The following HELB variants were observed in gnomAD, a reference collection of about 807,000 sequenced individuals.
HELB encodes DNA 5'-3' helicase B.
Under a neutral mutation model 101.7 loss-of-function variants are expected in HELB, and 96 were observed. That is an observed-to-expected ratio of 0.94 (90% CI 0.80 to 1.12). The LOEUF is 1.12. Among genes scored for constraint, HELB ranks in the 50% most tolerant of loss-of-function variants. The pLI is 0.00. For missense variants in HELB, 1,210 were observed against 1,291.9 expected (o/e 0.94, Z 0.97); for synonymous variants, 437 against 459.7 (o/e 0.95, Z 0.63).
downstream of HELB, chr12:66,338,643 AAAAAAAAAACAAACAAACAAACAAAC>A (rs2053891615): frequency 8.0e-6 from 1 of 125,662 alleles, no homozygotes; most frequent in South Asian, 2.3e-4. Flanking sequence ...CTCCGTCTCC[AAAAAAAAAACAAACAAACAAACAAAC>A]AAAAAAAAAC....
chr12:66,337,883 T>C (rs2053883257), intron 12 of HELB, 118 bp from the exon 13 acceptor site: 3 of 629,834 alleles, frequency 4.8e-6, no homozygotes, highest in Non-Finnish European at 8.3e-6. Flanking sequence ...GCTGAAGCCT[T>C]TCAAGGGTTG....
intron 2 of HELB, among the ~76,000 whole-genome samples, chr12:66,305,634 A>G (rs894891359): frequency 1.3e-5 from 2 of 151,842 alleles, no homozygotes; most frequent in Non-Finnish European, 2.9e-5. Flanking sequence ...AGTCCCAGCT[A>G]CTTGGGAGGA....
In HELB at chr12:66,302,599, GAA is replaced by G. The variant is rs754778789; in HGVS notation, c.-4_-3del. Reference sequence around the variant, plus strand: ...CGAGTTGTTTGGGTTGAGTTCAGGAGAAGCATGGCCAGGTCGAGTCCGTACCT... The same window carrying G: ...CGAGTTGTTTGGGTTGAGTTCAGGAGGCATGGCCAGGTCGAGTCCGTACCT... On this transcript the variant is annotated 5_prime_UTR_variant, in exon 1 of 13. Transcript: ENST00000247815. 14 of 1,611,780 alleles carry G rather than the reference GAA, an allele frequency of 8.7e-6. No individual in the cohort carries two copies. The highest frequency in any genetic ancestry group is 1.2e-5 in the Non-Finnish European group (14 of 1,178,154).
rs764450338 is a variant in HELB at position 66,325,129 on chromosome 12, A to G, written c.2670+3A>G. 1 of 1,576,898 alleles carries G rather than the reference A, an allele frequency of 6.3e-7. No homozygotes were observed. The highest frequency in any genetic ancestry group is 2.2e-5 in the East Asian group (1 of 44,632). ...CAAGAACTATTCACACTTTTCAGGT[A>G]AGAGGAGACTTTTATCAAACCTTTT... On this transcript the variant is annotated splice_donor_region_variant and intron_variant, in intron 11 of 12. Transcript: ENST00000247815.
chr12:66,306,651 A>G (rs565759266), intron 3 of HELB, 137 bp downstream of exon 3: 24 of 466,606 alleles, frequency 5.1e-5, no homozygotes, highest in African/African-American at 4.4e-4. Context: ...AAATGTTGCA[A>G]CTGTACATAA....
At chr12:66,340,758 C>T (rs1384069803), downstream of HELB, 1 of 154,688 alleles carries the variant, frequency 6.5e-6, no homozygotes, top group Non-Finnish European at 1.4e-5. Context: ...CAGAAAGCAT[C>T]CAGCACAGGA....
At chr12:66,332,416 T>A (rs2053820612) in intron 12 of HELB, among the ~76,000 whole-genome samples, 1 of 152,182 alleles carries the variant, frequency 6.6e-6, no homozygotes, top group African/African-American at 2.4e-5. Flanking sequence ...AAATGGAAAA[T>A]TCCAGAAATA....
At position 66,318,745 on chromosome 12, in the gene HELB, CA is replaced by C. The variant is rs1254440337; in HGVS notation, c.2109del (p.Glu704LysfsTer48). 6.2e-7 allele frequency: 1 copy of C among 1,611,120 alleles called. No individual in the cohort carries two copies. The highest frequency in any genetic ancestry group is 8.5e-7 in the Non-Finnish European group (1 of 1,179,048). On this transcript the variant is annotated frameshift_variant, in exon 7 of 13. Coordinates refer to ENST00000247815, the MANE Select transcript of HELB (RefSeq NM_001370285.1). LOFTEE classifies it high-confidence loss of function. The part of the protein sequence containing the change: ...QDKTFIFVRL[P>X]EEDASSQSSK... The stretch of plus-strand genomic sequence containing the variant: ...AAGACATTTATTTTTGTCAGGCTCC[CA>C]GAAGAGGATGCCAGTTCTCAGTCAT...
At chr12:66,309,643 TAAAG>T in intron 3 of HELB, 59 bp from the exon 4 acceptor site, 1 of 1,110,502 alleles carries the variant, frequency 9.0e-7, no homozygotes, top group Non-Finnish European at 1.3e-6. Context: ...AAATTATTAA[TAAAG>T]AACATATTCA....
intron 11 of HELB, among the ~76,000 whole-genome samples, chr12:66,328,844 G>T (rs1305854588): frequency 5.3e-5 from 8 of 152,154 alleles, no homozygotes; most frequent in Admixed American, 4.6e-4. Flanking sequence ...TAAAATACAG[G>T]TATATTATTA....
chr12:66,303,107 T>TAAAAAAAA (rs34264841), intron 1 of HELB, among the ~76,000 whole-genome samples: 1 of 127,570 alleles, frequency 7.8e-6, no homozygotes, highest in African/African-American at 2.9e-5. Context: ...TTTTTTTTTT[T>TAAAAAAAA]AAAATTATTC....
chr12:66,327,035 C>CAAAAAAAA (rs756031862), intron 11 of HELB, among the ~76,000 whole-genome samples: 8 of 41,692 alleles, frequency 1.9e-4, no homozygotes, highest in Non-Finnish European at 2.8e-4. Context: ...GACTTCATCT[C>CAAAAAAAA]AAAAAAAAAA....
intron 3 of HELB, 121 bp from the exon 4 acceptor site, chr12:66,309,585 G>A (rs543957836): frequency 1.4e-5 from 8 of 569,424 alleles, no homozygotes; most frequent in African/African-American, 9.4e-5. Context: ...GATGTTCTAT[G>A]GTATTTTCTG....
chr12:66,337,476 C>A (rs1031853488), intron 12 of HELB, among the ~76,000 whole-genome samples: 2 of 152,076 alleles, frequency 1.3e-5, no homozygotes, highest in Non-Finnish European at 2.9e-5. Context: ...GGTGAAACTT[C>A]ATCATGACGA....
Position 66,322,736 on chromosome 12 carries a change from T to C in HELB, c.2250T>C (p.Asp750=). The change falls in exon 9 of 13, where the codon GAT becomes GAC. Residue 750 remains aspartate, a synonymous_variant. Transcript: ENST00000247815. ...TCGTGTGTTTCAGGCAAGACTGTGA[T>C]CTAATTAATGACTGCTGCTGCAAAC... ...QFIAFRRQDC[D]LINDCCCKHY... is the part of the protein sequence containing the mutation. 1 of 1,610,276 alleles carries C rather than the reference T, an allele frequency of 6.2e-7. No individual in the cohort carries two copies. Among genetic ancestry groups the C allele is most frequent in the Non-Finnish European group, 8.5e-7 (1 of 1,178,016 alleles).
chr12:66,317,751 T>G (rs1304437207), intron 6 of HELB, among the ~76,000 whole-genome samples: 2 of 152,230 alleles, frequency 1.3e-5, no homozygotes, highest in East Asian at 3.8e-4. Flanking sequence ...CTACATGCCT[T>G]GGGTCAGAAG....
chr12:66,313,898 C>T (rs1216060507), intron 4 of HELB, 88 bp from the exon 5 acceptor site: 17 of 1,171,070 alleles, frequency 1.5e-5, no homozygotes, highest in East Asian at 4.7e-5. Context: ...TGCCAATTTA[C>T]GAGTTTTGCC....
chr12:66,336,520 G>T (rs1399054606), intron 12 of HELB, among the ~76,000 whole-genome samples: 2 of 152,194 alleles, frequency 1.3e-5, no homozygotes, highest in African/African-American at 4.8e-5. Flanking sequence ...CTGTAATAAA[G>T]GTAAGAAGGG....
intron 4 of HELB, among the ~76,000 whole-genome samples, 165 bp downstream of exon 4, chr12:66,310,773 T>C (rs944671252): frequency 6.6e-6 from 1 of 151,902 alleles, no homozygotes; most frequent in African/African-American, 2.4e-5. Flanking sequence ...TCTACTAAAA[T>C]ACAAAAAATT....
Sources: gnomAD v4.1 joint callset for allele counts (sites outside exome capture counted in the v4.1 genomes callset) on GRCh38, gnomAD v4.1.1 for gene constraint, MANE v1.5 for transcripts, NCBI Gene and HGNC (gene_info 2026-07-23, HGNC 2026-07-21) for gene names.